The following SUFU variants were observed in gnomAD, a reference collection of about 807,000 sequenced individuals.
The protein encoded by SUFU is suppressor of fused homolog.
A neutral mutation model predicts 58.9 loss-of-function variants in SUFU; 7 were observed. The observed-to-expected ratio is 0.12, with a 90% CI of 0.07 to 0.22. The LOEUF (loss-of-function observed/expected upper bound fraction) is 0.22, where lower values mean the gene tolerates loss of function less well. Among genes scored for constraint, SUFU ranks in the 10% least tolerant of loss-of-function variants. SUFU has a pLI of 1.00. For missense variants in SUFU, 451 were observed against 641.3 expected (o/e 0.70, Z 3.20); for synonymous variants, 232 against 254.8 (o/e 0.91, Z 0.85).
At chr10:102,583,400 A>T (rs1270064484) in intron 3 of SUFU, among the ~76,000 whole-genome samples, 1 of 152,108 alleles carries the variant, frequency 6.6e-6, no homozygotes, top group East Asian at 1.9e-4. Context: ...CCAAAGCCTG[A>T]TCACACATGC....
chr10:102,617,937 C>G lies in SUFU; in HGVS notation c.1296+509C>G, dbSNP rs762754362. On this transcript the variant is annotated intron_variant, in intron 10 of 11. Coordinates refer to ENST00000369902, the MANE Select transcript of SUFU (RefSeq NM_016169.4). This position sits in a 1 kb window ranked among gnomAD's most constrained non-coding sequence, Gnocchi z 4.4. ...ACCCCCATCTGACAGCCCTCCCGTT[C>G]CTCCTGAGTTTGTGTGACCAGAGAC... 3 of 211,364 alleles carry G rather than the reference C, an allele frequency of 1.4e-5. No homozygotes were observed. Among genetic ancestry groups the G allele is most frequent in the Non-Finnish European group, 2.8e-5 (3 of 105,858 alleles). 13.1% of individuals were successfully genotyped at this position (211,364 alleles called of 1,614,324 possible). A position where few individuals can be genotyped will look rare whatever the true frequency, so the allele number is the denominator to read the frequency against.
chr10:102,617,224 A>G lies in SUFU; in HGVS notation c.1158-66A>G, dbSNP rs2063695824. 1.9e-6 allele frequency: 3 copies of G among 1,611,232 alleles called. No homozygotes were observed. Among genetic ancestry groups the G allele is most frequent in the Non-Finnish European group, 2.5e-6 (3 of 1,178,048 alleles). On this transcript the variant is annotated intron_variant, in intron 9 of 11. Coordinates refer to ENST00000369902, the MANE Select transcript of SUFU (RefSeq NM_016169.4). This position sits in a 1 kb window ranked among gnomAD's most constrained non-coding sequence, Gnocchi z 4.4. ...TCCCCACTGTCCCAGAGCCTTGGCC[A>G]GGCCTGCTGTGCTTGGAACTGTTTC...
Position 102,615,400 on chromosome 10 carries a change from A to G in SUFU, c.1155A>G (p.Leu385=). 6.2e-7 allele frequency: 1 copy of G among 1,613,962 alleles called. No homozygotes were observed. Among genetic ancestry groups the G allele is most frequent in the Non-Finnish European group, 8.5e-7 (1 of 1,179,914 alleles). The change falls in exon 9 of 12, where the codon CTA becomes CTG. Residue 385 remains leucine, a splice_region_variant and synonymous_variant. Transcript: ENST00000369902. ...CCGGAGCCCTCATTCCTCTCTGCCT[A>G]AGGTGAGCGAGACAGCCCTGCCACA... ...QESGALIPLC[L]RGRLLHGRHF...
At chr10:102,553,379 A>G (rs1303394213) in intron 3 of SUFU, among the ~76,000 whole-genome samples, 1 of 152,178 alleles carries the variant, frequency 6.6e-6, no homozygotes, top group Non-Finnish European at 1.5e-5. Context: ...GGACTGTGAT[A>G]TACCAGCTTT....
At chr10:102,615,530 G>A in intron 9 of SUFU, 128 bp downstream of exon 9, 1 of 1,415,852 alleles carries the variant, frequency 7.1e-7, no homozygotes, top group Non-Finnish European at 9.9e-7. Flanking sequence ...GAGCCACCAG[G>A]CCCGTGCTTC....
chr10:102,567,233 G>A lies in SUFU; in HGVS notation c.454+17127G>A, dbSNP rs1362094465. ...TCACTGTGTTAGCCAGGAGGGTCTC[G>A]ATCTCCTGACCTCGTGATCCGCCTG... On this transcript the variant is annotated intron_variant, in intron 3 of 11. Transcript: ENST00000369902. Among the ~76,000 whole-genome samples, 8 of 151,328 alleles carry A rather than the reference G, an allele frequency of 5.3e-5. No individual in the cohort carries two copies. The South Asian group carries it at 8.4e-4, about 16-fold the overall frequency.
intron 8 of SUFU, 75 bp downstream of exon 8, chr10:102,599,619 T>A: frequency 7.8e-7 from 1 of 1,284,030 alleles, no homozygotes; most frequent in Non-Finnish European, 1.1e-6. Context: ...GTGGATTGCA[T>A]GAGAGAGAAC....
intron 2 of SUFU, among the ~76,000 whole-genome samples, chr10:102,545,234 C>A (rs1289209361): frequency 6.6e-6 from 1 of 151,748 alleles, no homozygotes; most frequent in Non-Finnish European, 1.5e-5. Context: ...TGCCTCAGCA[C>A]CCCCACCCTG....
chr10:102,593,123 T>C (rs150811017), intron 4 of SUFU, among the ~76,000 whole-genome samples: 6 of 152,300 alleles, frequency 3.9e-5, no homozygotes, highest in Non-Finnish European at 5.9e-5. Context: ...ACGAAGTCTA[T>C]GTGAAGGTTC....
chr10:102,594,410 C>G (rs1052769375), intron 6 of SUFU, among the ~76,000 whole-genome samples: 7 of 152,162 alleles, frequency 4.6e-5, no homozygotes, highest in African/African-American at 1.4e-4. Context: ...CCCAGACTTT[C>G]TTTTAGGGAG....
At chr10:102,611,203 A>C (rs561723407) in intron 8 of SUFU, among the ~76,000 whole-genome samples, 1 of 152,344 alleles carries the variant, frequency 6.6e-6, no homozygotes, top group South Asian at 2.1e-4. Context: ...AGATAGTAGA[A>C]AAAGAAACTT....
intron 2 of SUFU, among the ~76,000 whole-genome samples, chr10:102,518,545 C>CTATCTATCTATCTATT (rs1316400044): frequency 1.3e-5 from 2 of 151,766 alleles, no homozygotes; most frequent in East Asian, 1.9e-4. Context: ...ATCTATCTAT[C>CTATCTATCTATCTATT]TATTTATTTA....
At chr10:102,609,660 A>G (rs968810341) in intron 8 of SUFU, among the ~76,000 whole-genome samples, 3 of 152,246 alleles carry the variant, frequency 2.0e-5, no homozygotes, top group Admixed American at 1.3e-4. Context: ...GCAAATGGTT[A>G]TCAGACCAGG....
intron 8 of SUFU, among the ~76,000 whole-genome samples, chr10:102,601,005 G>C (rs1468947708): frequency 2.0e-5 from 3 of 151,856 alleles, no homozygotes; most frequent in Non-Finnish European, 4.4e-5. Flanking sequence ...CCTGTCCCGG[G>C]TCTACACTCC....
chr10:102,506,076 C>T (rs1377960143), intron 1 of SUFU, among the ~76,000 whole-genome samples: 1 of 149,770 alleles, frequency 6.7e-6, no homozygotes, highest in African/African-American at 2.5e-5. Context: ...AGAAGTGGGC[C>T]TGGCTCTGCC....
Position 102,631,463 on chromosome 10 carries a change from C to T in SUFU, c.*1308C>T, listed in dbSNP as rs1319501268. 4.3e-6 allele frequency: 1 copy of T among 233,640 alleles called. No homozygotes were observed. Among genetic ancestry groups the T allele is most frequent in the African/African-American group, 2.2e-5 (1 of 45,358 alleles). 14.5% of individuals were successfully genotyped at this position (233,640 alleles called of 1,614,324 possible). ...GTTCCTCTCGGGTTATCTCCCACGC[C>T]TGACCTGGAACCAGCAAGCCCCTTT... is the stretch of plus-strand genomic sequence containing the variant. On this transcript the variant is annotated 3_prime_UTR_variant, in exon 12 of 12. Coordinates refer to ENST00000369902, the MANE Select transcript of SUFU (RefSeq NM_016169.4).
intron 10 of SUFU, among the ~76,000 whole-genome samples, chr10:102,622,711 T>A (rs1401601607): frequency 6.6e-6 from 1 of 151,592 alleles, no homozygotes; most frequent in Non-Finnish European, 1.5e-5. Context: ...CCCAACACTT[T>A]GGGAGGCTGA....
Position 102,582,264 on chromosome 10 carries a change from T to C in SUFU, c.455-10318T>C, listed in dbSNP as rs193037258. 3.3e-5 allele frequency among the ~76,000 whole-genome samples: 5 copies of C among 152,236 alleles called. No individual in the cohort carries two copies. The East Asian group carries it at 7.7e-4, about 23-fold the overall frequency. Reference sequence around the variant, plus strand: ...GTAGAACATCACGGGGCCTGTACTTTTGCACAGAAGGGAGGCAGGCTGGCA... The same window carrying C: ...GTAGAACATCACGGGGCCTGTACTTCTGCACAGAAGGGAGGCAGGCTGGCA... On this transcript the variant is annotated intron_variant, in intron 3 of 11. Coordinates refer to ENST00000369902, the MANE Select transcript of SUFU (RefSeq NM_016169.4).
chr10:102,594,694 A>G (rs567046289), intron 6 of SUFU, among the ~76,000 whole-genome samples: 8 of 152,272 alleles, frequency 5.3e-5, no homozygotes, highest in African/African-American at 1.9e-4. Flanking sequence ...CATGCAGGTA[A>G]AGTTTGAAAG....
Sources: gnomAD v4.1 joint callset for allele counts (sites outside exome capture counted in the v4.1 genomes callset) on GRCh38, gnomAD v4.1.1 for gene constraint, Gnocchi (gnomAD v3.1) non-coding constraint, MANE v1.5 for transcripts, NCBI Gene and HGNC (gene_info 2026-07-23, HGNC 2026-07-21) for gene names.